Variants in SNX29 observed in about 807,000 individuals in gnomAD.
SNX29 encodes sorting nexin-29.
A neutral mutation model predicts 102.1 loss-of-function variants in SNX29; 78 were observed. The ratio of observed to expected loss-of-function variants is 0.76; its 90% CI spans 0.64 to 0.92. The LOEUF (loss-of-function observed/expected upper bound fraction) is 0.92, where lower values mean the gene tolerates loss of function less well. SNX29 is among the 40% of genes least tolerant of loss of function. The probability of loss-of-function intolerance (pLI) is 0.00; values close to 1 mark genes in which losing one functional copy is unlikely to be tolerated. For synonymous variants in SNX29, 580 were observed against 414.5 expected, an observed-to-expected ratio of 1.40 and a Z score of -4.85; for missense variants, 1,280 against 1,061.7, an observed-to-expected ratio of 1.21 and a Z score of -2.86.
chr16:12,565,361 G>A (rs928904757), intron 20 of SNX29, among the ~76,000 whole-genome samples: 2 of 152,174 alleles, frequency 1.3e-5, no homozygotes, highest in African/African-American at 4.8e-5. Context: ...ACTCACTGAA[G>A]CCCCTGGTCT....
intron 13 of SNX29, among the ~76,000 whole-genome samples, chr16:12,190,723 G>A (rs1327078818): frequency 1.3e-5 from 2 of 152,158 alleles, no homozygotes; most frequent in Non-Finnish European, 2.9e-5. Context: ...GTATTAGGTG[G>A]ATGTCTCAGC....
chr16:12,170,749 T>A (rs2076129873), intron 13 of SNX29, among the ~76,000 whole-genome samples: 1 of 134,410 alleles, frequency 7.4e-6, no homozygotes, highest in Non-Finnish European at 1.5e-5. Context: ...AGTGAGTGAG[T>A]GTGTGTGTGT....
At chr16:12,465,047 T>C (rs1379696222) in intron 18 of SNX29, among the ~76,000 whole-genome samples, 1 of 152,210 alleles carries the variant, frequency 6.6e-6, no homozygotes, top group East Asian at 1.9e-4. Flanking sequence ...TGTGTCTTCT[T>C]TGGAAAAATG....
chr16:12,276,766 C>T (rs2079264786), intron 14 of SNX29, among the ~76,000 whole-genome samples: 1 of 152,116 alleles, frequency 6.6e-6, no homozygotes, highest in Non-Finnish European at 1.5e-5. Flanking sequence ...GGTTCATTCT[C>T]AGCTTTTCTT....
intron 14 of SNX29, among the ~76,000 whole-genome samples, chr16:12,232,382 C>G (rs188328936): frequency 5.7e-4 from 87 of 152,280 alleles, no homozygotes; most frequent in African/African-American, 2.0e-3. Context: ...CAAAAATTAG[C>G]TGGACATAGT....
intron 20 of SNX29, among the ~76,000 whole-genome samples, chr16:12,552,717 T>C (rs1160710139): frequency 6.6e-6 from 1 of 152,222 alleles, no homozygotes; most frequent in East Asian, 1.9e-4. Flanking sequence ...GGGGGACTGA[T>C]AGAAGAGACA....
At chr16:12,350,894 T>TC in intron 15 of SNX29, among the ~76,000 whole-genome samples, 1 of 152,284 alleles carries the variant, frequency 6.6e-6, no homozygotes, top group Admixed American at 6.5e-5. Context: ...TGACTAGTGA[T>TC]CAGCTTGGGT....
At chr16:12,506,959 G>A (rs1023465846) in intron 19 of SNX29, among the ~76,000 whole-genome samples, 11 of 152,164 alleles carry the variant, frequency 7.2e-5, no homozygotes, top group Non-Finnish European at 1.5e-4. Context: ...GCTCTGAACT[G>A]CAGAGCAAAG....
At chr16:12,507,623 C>G (rs1361890096) in intron 19 of SNX29, among the ~76,000 whole-genome samples, 1 of 152,146 alleles carries the variant, frequency 6.6e-6, no homozygotes, top group African/African-American at 2.4e-5. Context: ...AGATAGTAAG[C>G]TAAGAGCCTG....
At chr16:12,538,778 A>T (rs1453787768) in intron 20 of SNX29, among the ~76,000 whole-genome samples, 1 of 152,228 alleles carries the variant, frequency 6.6e-6, no homozygotes, top group Non-Finnish European at 1.5e-5. Flanking sequence ...AGCATGTCAC[A>T]TCGCCAAGGG....
chr16:12,111,230 C>T (rs973301187), intron 11 of SNX29, among the ~76,000 whole-genome samples: 1 of 152,198 alleles, frequency 6.6e-6, no homozygotes, highest in African/African-American at 2.4e-5. Flanking sequence ...TGCATGCACA[C>T]ACCTGTACCC....
intron 15 of SNX29, among the ~76,000 whole-genome samples, chr16:12,354,418 G>A (rs919801385): frequency 1.3e-5 from 2 of 152,158 alleles, no homozygotes; most frequent in African/African-American, 4.8e-5. Flanking sequence ...GAGCACCAGG[G>A]TTTTGACAGC....
intron 18 of SNX29, among the ~76,000 whole-genome samples, chr16:12,465,173 T>C (rs2086995089): frequency 6.6e-6 from 1 of 152,238 alleles, no homozygotes; most frequent in Non-Finnish European, 1.5e-5. Flanking sequence ...CTTTGTAGGT[T>C]CTTTTCATTT....
At chr16:12,185,860 C>G (rs1417310138) in intron 13 of SNX29, among the ~76,000 whole-genome samples, 2 of 152,208 alleles carry the variant, frequency 1.3e-5, no homozygotes, top group Non-Finnish European at 1.5e-5. Flanking sequence ...CATTTGAGGT[C>G]AGATGCTCAG....
At chr16:12,151,101 A>C (rs1417992062) in intron 13 of SNX29, among the ~76,000 whole-genome samples, 1 of 152,218 alleles carries the variant, frequency 6.6e-6, no homozygotes, top group Non-Finnish European at 1.5e-5. Flanking sequence ...AATAGATGGA[A>C]TAGTGTAACA....
At chr16:11,992,580 T>C (rs934462084) in intron 1 of SNX29, among the ~76,000 whole-genome samples, 1 of 150,402 alleles carries the variant, frequency 6.6e-6, no homozygotes, top group African/African-American at 2.4e-5. Context: ...AGGTTCCCAA[T>C]TGTTCAGTGA....
intron 11 of SNX29, among the ~76,000 whole-genome samples, chr16:12,111,312 CA>C (rs2053492988): frequency 6.6e-6 from 1 of 152,198 alleles, no homozygotes; most frequent in Non-Finnish European, 1.5e-5. Context: ...CACTTTAGCA[CA>C]AAATCCATGT....
rs2050323804 is a variant in SNX29 at position 12,051,961 on chromosome 16, C to T, written c.863C>T (p.Ala288Val). ...GACGTGTTTAAAAAGACACCTGGGG[C>T]AGGGGAGAGCTCAGAGGACAACTCC... ...SGDVFKKTPG[A>V]GESSEDNSDR... The change falls in exon 8 of 21, where the codon GCA (alanine) becomes GTA (valine). Residue 288 changes from alanine to valine, a missense_variant. Ala to Val is a moderately conservative substitution (Grantham distance 64). Coordinates refer to ENST00000566228, the MANE Select transcript of SNX29 (RefSeq NM_032167.5). 6.2e-7 allele frequency: 1 copy of T among 1,613,774 alleles called. No homozygotes were observed. Among genetic ancestry groups the T allele is most frequent in the South Asian group, 1.1e-5 (1 of 91,068 alleles).
chr16:12,486,447 G>T (rs902053596), intron 19 of SNX29, among the ~76,000 whole-genome samples: 1 of 152,170 alleles, frequency 6.6e-6, no homozygotes, highest in African/African-American at 2.4e-5. Context: ...CTTCTTCCTT[G>T]TCCTGGGTAG....
Sources: allele counts gnomAD v4.1 joint callset (sites outside exome capture counted in the v4.1 genomes callset), GRCh38; gene constraint gnomAD v4.1.1; transcripts MANE v1.5; gene names NCBI Gene and HGNC (gene_info 2026-07-23, HGNC 2026-07-21).